Variants in TTLL11 observed in about 807,000 individuals in gnomAD.
TTLL11 encodes tubulin tyrosine ligase like 11.
TTLL11 carries 42 observed loss-of-function variants against 51.7 expected under a neutral mutation model. The ratio of observed to expected loss-of-function variants is 0.81; its 90% CI spans 0.64 to 1.05. The LOEUF (loss-of-function observed/expected upper bound fraction) is 1.05. TTLL11 is among the 50% of genes least tolerant of loss of function. The probability of loss-of-function intolerance (pLI) is 0.00; values close to 1 mark genes in which losing one functional copy is unlikely to be tolerated. For missense variants in TTLL11, 799 were observed against 940.4 expected, an observed-to-expected ratio of 0.85 and a Z score of 1.97; for synonymous variants, 381 against 383.5, an observed-to-expected ratio of 0.99 and a Z score of 0.08.
rs564800715 is a variant in TTLL11 at position 122,040,339 on chromosome 9, G to C, written c.463-971C>G. Reference sequence around the variant, plus strand: ...AAAATCTTGTTTGGCACAAGCTATAGAGTTTCAATTATTTGAAGCCAGAAA... The same window carrying C: ...AAAATCTTGTTTGGCACAAGCTATACAGTTTCAATTATTTGAAGCCAGAAA... On this transcript the variant is annotated intron_variant, in intron 1 of 8. Coordinates refer to ENST00000321582, the MANE Select transcript of TTLL11 (RefSeq NM_001139442.2). 18 of 985,010 alleles carry C rather than the reference G, an allele frequency of 1.8e-5. No individual in the cohort carries two copies. In the African/African-American group the frequency reaches 3.1e-4, roughly 17 times the overall value. 61.0% of individuals were successfully genotyped at this position (985,010 alleles called of 1,614,324 possible).
rs138115906 is a variant in TTLL11, at chr9:121,869,209, C to T, written c.1733+1288G>A. Among the ~76,000 whole-genome samples, 793 of 152,142 alleles carry T rather than the reference C, an allele frequency of 5.2e-3. 13 individuals are homozygous for T. The highest frequency in any genetic ancestry group is 0.041 in the Admixed American group (625 of 15,276). On this transcript the variant is annotated intron_variant, in intron 7 of 8. Transcript: ENST00000321582. ...AATTACTACTTCAGGTGTACTGAAA[C>T]GGCAAAATTCCTGCCAATACTTCTG...
intron 6 of TTLL11, among the ~76,000 whole-genome samples, chr9:121,921,365 A>G (rs1169353039): frequency 6.6e-6 from 1 of 152,166 alleles, no homozygotes; most frequent in Non-Finnish European, 1.5e-5. Flanking sequence ...GGAGCAATTA[A>G]CCCAGTGGAG....
intron 6 of TTLL11, among the ~76,000 whole-genome samples, chr9:121,972,572 A>G (rs2131653375): frequency 6.6e-6 from 1 of 152,328 alleles, no homozygotes; most frequent in Non-Finnish European, 1.5e-5. Flanking sequence ...CACAGTCAAG[A>G]ACACTCTTGA....
intron 3 of TTLL11, among the ~76,000 whole-genome samples, chr9:121,993,638 T>C (rs1418161495): frequency 6.6e-6 from 1 of 152,184 alleles, no homozygotes; most frequent in Non-Finnish European, 1.5e-5. Flanking sequence ...GATCAGCACA[T>C]TGGGATGATC....
chr9:122,044,967 G>A (rs375501067), intron 1 of TTLL11, among the ~76,000 whole-genome samples: 3 of 152,128 alleles, frequency 2.0e-5, no homozygotes, highest in East Asian at 3.9e-4. Context: ...AATTAGCTGG[G>A]CATCGTGGCA....
rs144530470 is a variant in TTLL11 at position 121,832,795 on chromosome 9, C to G, written c.1841-9916G>C. Among the ~76,000 whole-genome samples, 400 of 152,254 alleles carry G rather than the reference C, an allele frequency of 2.6e-3. 1 individual carries two copies. The highest frequency in any genetic ancestry group is 9.1e-3 in the African/African-American group (379 of 41,540). ...TCTCTACTAAAAATACAAAAATTAA[C>G]TAGGCATGGTGGCACGCACCTGAAG... is the stretch of plus-strand genomic sequence containing the variant. On this transcript the variant is annotated intron_variant, in intron 8 of 8. Transcript: ENST00000321582.
At chr9:121,925,507 T>C (rs1840697262) in intron 6 of TTLL11, among the ~76,000 whole-genome samples, 1 of 147,114 alleles carries the variant, frequency 6.8e-6, no homozygotes, top group African/African-American at 2.5e-5. Context: ...CCTTTGCTCA[T>C]GTCCCTTCTG....
intron 8 of TTLL11, among the ~76,000 whole-genome samples, chr9:121,849,272 C>A (rs1837599481): frequency 6.6e-6 from 1 of 152,112 alleles, no homozygotes; most frequent in Admixed American, 6.5e-5. Flanking sequence ...GGATCACAGA[C>A]CTACGTGTAA....
At position 121,995,693 on chromosome 9, in the gene TTLL11, T is replaced by G. The variant is rs971697443; in HGVS notation, c.694-5923A>C. Among the ~76,000 whole-genome samples, 1 of 152,140 alleles carries G rather than the reference T, an allele frequency of 6.6e-6. No individual in the cohort carries two copies. The highest frequency in any genetic ancestry group is 1.5e-5 in the Non-Finnish European group (1 of 68,038). ...TTGCACGACTCCAGACAGAGCTAATTTAGGACTTTATAATATCCCGCAAGC... is the reference window on the plus strand; with the variant it reads ...TTGCACGACTCCAGACAGAGCTAATGTAGGACTTTATAATATCCCGCAAGC... On this transcript the variant is annotated intron_variant, in intron 3 of 8. Transcript: ENST00000321582. This position sits in a 1 kb window ranked among gnomAD's most constrained non-coding sequence, Gnocchi z 4.4.
At position 121,822,899 on chromosome 9, in the gene TTLL11, A is replaced by T; in HGVS notation, c.1841-20T>A. The T allele has an allele frequency of 2.6e-6, 4 of 1,538,586 alleles. No individual in the cohort carries two copies. Among genetic ancestry groups the T allele is most frequent in the South Asian group, 2.4e-5 (2 of 82,100 alleles). On this transcript the variant is annotated intron_variant, in intron 8 of 8. Transcript: ENST00000321582. This position sits in a 1 kb window ranked among gnomAD's most constrained non-coding sequence, Gnocchi z 5.8. ...ACATCCCTGTGAACAAAGAGACTGG[A>T]TGAGGGGGTGCACACAGCTGCCCTA...
chr9:122,080,246 T>C (rs1046845858), intron 1 of TTLL11, among the ~76,000 whole-genome samples: 2 of 152,154 alleles, frequency 1.3e-5, no homozygotes, highest in African/African-American at 4.8e-5. Context: ...TCTTCAAAAG[T>C]AAGTATTTAT....
At chr9:121,953,364 G>GT (rs1288535513) in intron 6 of TTLL11, among the ~76,000 whole-genome samples, 1 of 152,158 alleles carries the variant, frequency 6.6e-6, no homozygotes, top group East Asian at 1.9e-4. Context: ...CAGGCACTGT[G>GT]GCTCACGTGT....
chr9:122,055,205 A>ATAGATAGATAGG (rs1845259691), intron 1 of TTLL11, among the ~76,000 whole-genome samples: 1 of 147,364 alleles, frequency 6.8e-6, no homozygotes, highest in Non-Finnish European at 1.5e-5. Flanking sequence ...GACTAATAGG[A>ATAGATAGATAGG]TAGATAGATA....
intron 8 of TTLL11, among the ~76,000 whole-genome samples, chr9:121,841,982 G>T (rs78811042): frequency 2.0e-5 from 3 of 152,072 alleles, no homozygotes; most frequent in Non-Finnish European, 4.4e-5. Flanking sequence ...TTCTTCCAGC[G>T]AGATGCAGAG....
At chr9:121,896,084 G>C (rs1198338761) in intron 6 of TTLL11, among the ~76,000 whole-genome samples, 1 of 151,670 alleles carries the variant, frequency 6.6e-6, no homozygotes, top group Non-Finnish European at 1.5e-5. Context: ...GTGTGTGCCC[G>C]TTTGGTTGTG....
At chr9:122,051,662 C>T (rs111638854) in intron 1 of TTLL11, among the ~76,000 whole-genome samples, 2,193 of 152,296 alleles carry the variant, frequency 0.014, 29 homozygotes, top group South Asian at 0.039. Context: ...CTTGCTCACT[C>T]ACTCGCTCTC....
At chr9:121,844,938 A>G (rs1389892219) in intron 8 of TTLL11, among the ~76,000 whole-genome samples, 1 of 152,206 alleles carries the variant, frequency 6.6e-6, no homozygotes, top group Non-Finnish European at 1.5e-5. Context: ...TGAAGGGAGC[A>G]GAAGATAGAT....
intron 6 of TTLL11, among the ~76,000 whole-genome samples, chr9:121,895,969 GGT>G (rs1185937813): frequency 2.5e-4 from 5 of 19,904 alleles, no homozygotes; most frequent in East Asian, 2.6e-3. Flanking sequence ...TGTGGGTGTG[GGT>G]GTGTGTCTGT....
Position 122,093,077 on chromosome 9 carries a change from CGCTTTGGCCGCA to C in TTLL11, c.60_71del (p.Ala25_Ala28del), listed in dbSNP as rs1243544109. On this transcript the variant is annotated inframe_deletion, in exon 1 of 9. Coordinates refer to ENST00000321582, the MANE Select transcript of TTLL11 (RefSeq NM_001139442.2). ...TGGCCTCGGCCTCAGCTTTGGCCGCCGCTTTGGCCGCAGCCACCGCCTCCGCCTCCCACCGGG... is the reference window on the plus strand; with the variant it reads ...TGGCCTCGGCCTCAGCTTTGGCCGCCGCCACCGCCTCCGCCTCCCACCGGG... 4.7e-6 allele frequency: 7 copies of C among 1,505,022 alleles called. No individual in the cohort carries two copies. Among genetic ancestry groups the C allele is most frequent in the Non-Finnish European group, 6.2e-6 (7 of 1,134,346 alleles). The allele number at this position is 1,505,022 out of a possible 1,614,324, so 93.2% of individuals were successfully genotyped here. A position where few individuals can be genotyped will look rare whatever the true frequency, so the allele number is the denominator to read the frequency against.
Sources: gnomAD v4.1 joint callset for allele counts (sites outside exome capture counted in the v4.1 genomes callset) on GRCh38, gnomAD v4.1.1 for gene constraint, Gnocchi (gnomAD v3.1) non-coding constraint, MANE v1.5 for transcripts, NCBI Gene and HGNC (gene_info 2026-07-23, HGNC 2026-07-21) for gene names.